SUGCT: variants seen among roughly 807,000 people sequenced by gnomAD.
SUGCT encodes the protein succinyl-CoA:glutarate-CoA transferase.
Under a neutral mutation model 55.0 loss-of-function variants are expected in SUGCT, and 41 were observed. The observed-to-expected ratio is 0.74, with a 90% CI of 0.58 to 0.97. The LOEUF (loss-of-function observed/expected upper bound fraction) is 0.97, where lower values mean the gene tolerates loss of function less well. Among genes scored for constraint, SUGCT ranks in the 50% least tolerant of loss-of-function variants. The probability of loss-of-function intolerance (pLI) is 0.00; values close to 1 mark genes in which losing one functional copy is unlikely to be tolerated. For synonymous variants in SUGCT, 187 were observed against 200.4 expected, an observed-to-expected ratio of 0.93 and a Z score of 0.56; for missense variants, 568 against 547.8, an observed-to-expected ratio of 1.04 and a Z score of -0.37.
the SUGCT span, among the ~76,000 whole-genome samples, chr7:41,017,974 C>G: frequency 6.6e-6 from 1 of 151,272 alleles, no homozygotes; most frequent in Non-Finnish European, 1.5e-5. Flanking sequence ...TGATGCATGA[C>G]TTCTGCTTGG....
At chr7:40,229,996 C>T (rs1342534124) in intron 6 of SUGCT, among the ~76,000 whole-genome samples, 2 of 152,160 alleles carry the variant, frequency 1.3e-5, no homozygotes, top group African/African-American at 4.8e-5. Flanking sequence ...GGTAAACAGT[C>T]TATTGTTGGA....
At chr7:40,833,774 G>A (rs1249320821) in intron 13 of SUGCT, among the ~76,000 whole-genome samples, 1 of 148,302 alleles carries the variant, frequency 6.7e-6, no homozygotes, top group Non-Finnish European at 1.5e-5. Context: ...AGTGGTGAAG[G>A]CAGCATTTAG....
chr7:40,540,365 G>T (rs944760176), intron 12 of SUGCT, among the ~76,000 whole-genome samples: 1 of 152,234 alleles, frequency 6.6e-6, no homozygotes, highest in Non-Finnish European at 1.5e-5. Flanking sequence ...AATAGTAACA[G>T]CTGGTATATT....
intron 13 of SUGCT, among the ~76,000 whole-genome samples, chr7:40,781,028 G>C (rs1224996286): frequency 1.3e-5 from 2 of 151,998 alleles, no homozygotes; most frequent in Non-Finnish European, 2.9e-5. Context: ...TCCTCATGTG[G>C]TTAACTTTAC....
At chr7:40,757,052 A>C (rs1230457601) in intron 13 of SUGCT, among the ~76,000 whole-genome samples, 2 of 152,166 alleles carry the variant, frequency 1.3e-5, no homozygotes, top group Admixed American at 6.5e-5. Context: ...CAGGGTACTG[A>C]GTGAAATCAA....
chr7:40,962,142 G>A, the SUGCT span, among the ~76,000 whole-genome samples: 1 of 152,126 alleles, frequency 6.6e-6, no homozygotes, highest in Non-Finnish European at 1.5e-5. Context: ...TTTACAGAGT[G>A]CTGATTGGTG....
intron 1 of SUGCT, among the ~76,000 whole-genome samples, chr7:40,141,248 G>A (rs538107958): frequency 8.0e-4 from 121 of 151,238 alleles, no homozygotes; most frequent in Non-Finnish European, 1.5e-3. Context: ...TGCAATGTAG[G>A]CTCACTGCAA....
At chr7:40,915,151 G>C in the SUGCT span, among the ~76,000 whole-genome samples, 1 of 152,126 alleles carries the variant, frequency 6.6e-6, no homozygotes, top group East Asian at 1.9e-4. Context: ...CATTCTTAAG[G>C]TGCGGCTGGT....
chr7:40,313,477 G>A (rs1055738600), intron 8 of SUGCT, among the ~76,000 whole-genome samples: 1 of 152,150 alleles, frequency 6.6e-6, no homozygotes, highest in Non-Finnish European at 1.5e-5. Context: ...CCTGTAAATA[G>A]TAGATTACTT....
Position 40,237,730 on chromosome 7 carries a change from G to A in SUGCT, c.576+4G>A. Reference sequence around the variant, plus strand: ...GATGCACATCACAGGGCCTGAGGTAGGTATCCTTCCTTAGAATATTCATAA... The same window carrying A: ...GATGCACATCACAGGGCCTGAGGTAAGTATCCTTCCTTAGAATATTCATAA... On this transcript the variant is annotated splice_donor_region_variant and intron_variant, in intron 7 of 13. Coordinates refer to ENST00000335693, the MANE Select transcript of SUGCT (RefSeq NM_001193313.2). 1 of 1,611,044 alleles carries A rather than the reference G, an allele frequency of 6.2e-7. No homozygotes were observed. The highest frequency in any genetic ancestry group is 1.1e-5 in the South Asian group (1 of 90,986).
intron 10 of SUGCT, among the ~76,000 whole-genome samples, chr7:40,456,273 G>A (rs1232380872): frequency 6.6e-6 from 1 of 152,104 alleles, no homozygotes; most frequent in Non-Finnish European, 1.5e-5. Flanking sequence ...TGATCCACCC[G>A]CCTTGGCCTC....
intron 13 of SUGCT, among the ~76,000 whole-genome samples, chr7:40,852,296 G>C (rs375696568): frequency 6.6e-6 from 1 of 152,018 alleles, no homozygotes; most frequent in Non-Finnish European, 1.5e-5. Flanking sequence ...CTATCACTAG[G>C]ATACCTCTCA....
chr7:40,340,516 A>G (rs1382150469), intron 9 of SUGCT, among the ~76,000 whole-genome samples: 2 of 152,208 alleles, frequency 1.3e-5, no homozygotes, highest in African/African-American at 2.4e-5. Flanking sequence ...CTTTAAATAC[A>G]TTAATAGAAG....
At chr7:40,956,905 A>G in the SUGCT span, among the ~76,000 whole-genome samples, 2 of 152,104 alleles carry the variant, frequency 1.3e-5, no homozygotes, top group Admixed American at 6.5e-5. Context: ...CAGGTTGTTC[A>G]GTTTCCATGT....
At chr7:40,495,936 C>T (rs923870598) in intron 11 of SUGCT, among the ~76,000 whole-genome samples, 2 of 152,148 alleles carry the variant, frequency 1.3e-5, no homozygotes, top group Admixed American at 1.3e-4. Flanking sequence ...ATTTCCACTA[C>T]CTGAGACCTA....
At chr7:41,028,538 C>G in the SUGCT span, among the ~76,000 whole-genome samples, 1 of 152,202 alleles carries the variant, frequency 6.6e-6, no homozygotes, top group Admixed American at 6.5e-5. Context: ...CCACTACACA[C>G]CTAGGCTTTA....
intron 1 of SUGCT, among the ~76,000 whole-genome samples, chr7:40,172,435 G>A (rs113159920): frequency 7.9e-5 from 12 of 152,158 alleles, no homozygotes; most frequent in Admixed American, 2.0e-4. Flanking sequence ...AGGACACAGC[G>A]TAGCGCTTCC....
intron 1 of SUGCT, chr7:40,153,265 A>C (rs889571674): frequency 7.4e-6 from 3 of 403,712 alleles, no homozygotes; most frequent in Non-Finnish European, 1.4e-5. Flanking sequence ...ATGAAAGCAA[A>C]AAAGAAGAAA....
At chr7:40,541,196 A>G (rs903589525) in intron 12 of SUGCT, among the ~76,000 whole-genome samples, 14 of 151,596 alleles carry the variant, frequency 9.2e-5, no homozygotes, top group African/African-American at 3.2e-4. Flanking sequence ...AGAGAGATAC[A>G]AATGAAAGCA....
Sources: allele counts gnomAD v4.1 joint callset (sites outside exome capture counted in the v4.1 genomes callset), GRCh38; gene constraint gnomAD v4.1.1; transcripts MANE v1.5; gene names NCBI Gene and HGNC (gene_info 2026-07-23, HGNC 2026-07-21).